KMT2C: variants seen among roughly 807,000 people sequenced by gnomAD.
KMT2C encodes the protein histone-lysine N-methyltransferase 2C.
A neutral mutation model predicts 507.9 loss-of-function variants in KMT2C; 88 were observed. That is an observed-to-expected ratio of 0.17 (90% CI 0.15 to 0.21). The LOEUF (loss-of-function observed/expected upper bound fraction) is 0.21, where lower values mean the gene tolerates loss of function less well. Ranked by LOEUF, KMT2C falls within the 10% of genes least tolerant of loss-of-function variation. The probability of loss-of-function intolerance (pLI) is 1.00; values close to 1 mark genes in which losing one functional copy is unlikely to be tolerated. For missense variants in KMT2C, 4,954 were observed against 5,957.8 expected (o/e 0.83, Z 5.55); for synonymous variants, 2,049 against 2,080.8 (o/e 0.98, Z 0.42).
At chr7:152,187,895 A>T in intron 31 of KMT2C, 48 bp from the exon 32 acceptor site, 1 of 1,595,890 alleles carries the variant, frequency 6.3e-7, no homozygotes. Flanking sequence ...ACAAGTAACA[A>T]GGAGTTGAAG....
chr7:152,215,253 C>T (rs954986818), intron 23 of KMT2C, among the ~76,000 whole-genome samples: 1 of 151,992 alleles, frequency 6.6e-6, no homozygotes, highest in Non-Finnish European at 1.5e-5. Flanking sequence ...GTGGCTCACA[C>T]CTGTAATCCC....
At chr7:152,252,776 G>T in intron 9 of KMT2C, 61 bp from the exon 10 acceptor site, 1 of 1,203,552 alleles carries the variant, frequency 8.3e-7, no homozygotes. Context: ...TTGTAGTTCT[G>T]ATGTAAACCT....
chr7:152,156,758 C>G (rs2092076906), intron 44 of KMT2C, among the ~76,000 whole-genome samples: 2 of 152,134 alleles, frequency 1.3e-5, no homozygotes, highest in South Asian at 4.1e-4. Context: ...CTATGAAAAA[C>G]TTAAGAATTT....
intron 6 of KMT2C, among the ~76,000 whole-genome samples, chr7:152,278,951 TCAAA>T (rs1419551654): frequency 8.0e-4 from 122 of 152,406 alleles, no homozygotes; most frequent in African/African-American, 2.7e-3. Context: ...CGGGTTTGAT[TCAAA>T]CAGACACATA....
chr7:152,322,969 G>A (rs1267853207), intron 3 of KMT2C, among the ~76,000 whole-genome samples: 3 of 151,896 alleles, frequency 2.0e-5, no homozygotes, highest in African/African-American at 4.8e-5. Flanking sequence ...TATATATCAC[G>A]TAACACCTGG....
chr7:152,158,066 G>A (rs2092189553), intron 44 of KMT2C: 3 of 428,432 alleles, frequency 7.0e-6, no homozygotes, highest in Non-Finnish European at 8.0e-6. Context: ...AAATGCTGGA[G>A]TAAGTGAGAG....
At chr7:152,415,079 C>G (rs1020682307) in intron 1 of KMT2C, among the ~76,000 whole-genome samples, 1 of 151,982 alleles carries the variant, frequency 6.6e-6, no homozygotes, top group African/African-American at 2.4e-5. Context: ...ATCCTGAGCT[C>G]AAGCTATCAG....
chr7:152,136,781 A>C lies in KMT2C; in HGVS notation c.*51T>G. 7.9e-7 allele frequency: 1 copy of C among 1,269,566 alleles called. No homozygotes were observed. The highest frequency in any genetic ancestry group is 2.3e-5 in the East Asian group (1 of 43,304). 78.6% of individuals were successfully genotyped at this position (1,269,566 alleles called of 1,614,324 possible). A position where few individuals can be genotyped will look rare whatever the true frequency, so the allele number is the denominator to read the frequency against. ...CTGCAAAATTCCAATGGTGTGTTGA[A>C]TCGCCTCTTCCTAGGGACAAGCCGC... On this transcript the variant is annotated 3_prime_UTR_variant, in exon 59 of 59. Coordinates refer to ENST00000262189, the MANE Select transcript of KMT2C (RefSeq NM_170606.3).
intron 44 of KMT2C, among the ~76,000 whole-genome samples, chr7:152,158,314 G>A (rs2092216550): frequency 6.6e-6 from 1 of 152,056 alleles, no homozygotes; most frequent in South Asian, 2.1e-4. Context: ...AAAGTACTGA[G>A]GACAGATTTT....
intron 31 of KMT2C, among the ~76,000 whole-genome samples, chr7:152,189,390 G>A (rs1039861958): frequency 2.0e-5 from 3 of 152,056 alleles, no homozygotes; most frequent in Non-Finnish European, 4.4e-5. Flanking sequence ...TACTATTACA[G>A]GAGATCCACA....
intron 8 of KMT2C, among the ~76,000 whole-genome samples, chr7:152,264,419 A>C (rs1274743666): frequency 1.3e-5 from 2 of 152,220 alleles, no homozygotes; most frequent in Non-Finnish European, 2.9e-5. Flanking sequence ...CCAAGAGATG[A>C]AATACCATAG....
At chr7:152,235,550 AG>A in intron 16 of KMT2C, among the ~76,000 whole-genome samples, 1 of 130,776 alleles carries the variant, frequency 7.6e-6, no homozygotes, top group East Asian at 2.2e-4. Flanking sequence ...TTTAAATAAA[AG>A]AGCAACTATA....
At chr7:152,323,215 T>C (rs2096787777) in intron 3 of KMT2C, among the ~76,000 whole-genome samples, 1 of 152,024 alleles carries the variant, frequency 6.6e-6, no homozygotes, top group Admixed American at 6.5e-5. Context: ...CAAAAGGATA[T>C]CTGCATGCCC....
At chr7:152,265,791 T>C (rs1019143238) in intron 7 of KMT2C, among the ~76,000 whole-genome samples, 11 of 151,930 alleles carry the variant, frequency 7.2e-5, no homozygotes, top group African/African-American at 2.7e-4. Context: ...TACATATTCA[T>C]ACACAAACAC....
intron 42 of KMT2C, among the ~76,000 whole-genome samples, 160 bp downstream of exon 42, chr7:152,166,968 GCTGTTATGGCTGCAGTTA>G (rs1253556022): frequency 2.0e-5 from 3 of 152,154 alleles, no homozygotes; most frequent in African/African-American, 7.2e-5. Flanking sequence ...AAAGACTGGA[GCTGTTATGGCTGCAGTTA>G]CTAAGAGGTC....
rs950086494 is a variant in KMT2C, at chr7:152,235,207, G to GTATGTATATATATATA, written c.2769+609_2769+610insTATATATATATACATA. On this transcript the variant is annotated intron_variant, in intron 16 of 58. Coordinates refer to ENST00000262189, the MANE Select transcript of KMT2C (RefSeq NM_170606.3). ...TGATTGTGGTATCGTTTTCAAGGGT[G>GTATGTATATATATATA]TATATATATATATATATCAAAGCTT... 3.8e-3 allele frequency among the ~76,000 whole-genome samples: 543 copies of GTATGTATATATATATA among 142,488 alleles called. 11 individuals are homozygous for GTATGTATATATATATA. The highest frequency in any genetic ancestry group is 0.014 in the African/African-American group (519 of 36,694). 93.5% of individuals were successfully genotyped at this position (142,488 alleles called of 152,430 possible).
At chr7:152,165,997 C>A (rs2092711614) in intron 42 of KMT2C, among the ~76,000 whole-genome samples, 2 of 151,934 alleles carry the variant, frequency 1.3e-5, no homozygotes, top group Admixed American at 6.6e-5. Context: ...CACGTGTACA[C>A]AGTGTTTATA....
chr7:152,385,416 T>C (rs1470133262), intron 1 of KMT2C, among the ~76,000 whole-genome samples: 3 of 133,862 alleles, frequency 2.2e-5, no homozygotes, highest in South Asian at 2.3e-4. Flanking sequence ...ATCGAGACCA[T>C]CCCGGCTAAA....
chr7:152,299,545 T>G (rs2096547952), intron 6 of KMT2C, among the ~76,000 whole-genome samples: 2 of 151,708 alleles, frequency 1.3e-5, no homozygotes, highest in Admixed American at 1.3e-4. Flanking sequence ...TCTCCACTAT[T>G]GGGAGGCTGA....
Sources: allele counts gnomAD v4.1 joint callset (sites outside exome capture counted in the v4.1 genomes callset), GRCh38; gene constraint gnomAD v4.1.1; transcripts MANE v1.5; gene names NCBI Gene and HGNC (gene_info 2026-07-23, HGNC 2026-07-21).